Variants in SH3RF3 observed in about 807,000 individuals in gnomAD.
SH3RF3 encodes the protein SH3 domain containing ring finger 3.
Under a neutral mutation model 66.3 loss-of-function variants are expected in SH3RF3, and 29 were observed. That is an observed-to-expected ratio of 0.44 (90% CI 0.33 to 0.60). The LOEUF is 0.60. Ranked by LOEUF, SH3RF3 falls within the 20% of genes least tolerant of loss-of-function variation. The pLI is 0.04. For synonymous variants in SH3RF3, 583 were observed against 532.0 expected, an observed-to-expected ratio of 1.10 and a Z score of -1.32; for missense variants, 1,194 against 1,190.9, an observed-to-expected ratio of 1.00 and a Z score of -0.04.
chr2:109,249,532 T>TCTTTCTTTCTTTCCTTCCTTCC (rs1680019241), intron 1 of SH3RF3, among the ~76,000 whole-genome samples: 4 of 96,448 alleles, frequency 4.1e-5, no homozygotes, highest in Non-Finnish European at 8.1e-5. Flanking sequence ...TCTTTCTTTC[T>TCTTTCTTTCTTTCCTTCCTTCC]TTCCTTCCTT....
intron 8 of SH3RF3, among the ~76,000 whole-genome samples, chr2:109,455,473 G>A (rs1678025638): frequency 6.6e-6 from 1 of 152,194 alleles, no homozygotes; most frequent in East Asian, 1.9e-4. Flanking sequence ...GAGTCTGTGG[G>A]ACACATGTGT....
intron 2 of SH3RF3, among the ~76,000 whole-genome samples, chr2:109,359,527 T>G (rs1683013152): frequency 6.6e-6 from 1 of 152,232 alleles, no homozygotes; most frequent in Non-Finnish European, 1.5e-5. Context: ...TGTACCTAAG[T>G]ATTTCATGAT....
chr2:109,268,642 A>C (rs1680556231), intron 1 of SH3RF3, among the ~76,000 whole-genome samples: 1 of 152,194 alleles, frequency 6.6e-6, no homozygotes, highest in Admixed American at 6.5e-5. Flanking sequence ...AGCGATACAC[A>C]TTCAGTAGAA....
chr2:109,315,342 G>A (rs1245526649), intron 1 of SH3RF3, among the ~76,000 whole-genome samples: 1 of 152,160 alleles, frequency 6.6e-6, no homozygotes, highest in East Asian at 1.9e-4. Flanking sequence ...TGCCAAGCCA[G>A]GTAAAGTGCT....
At chr2:109,230,162 C>T (rs76872190) in intron 1 of SH3RF3, among the ~76,000 whole-genome samples, 22,120 of 151,840 alleles carry the variant, frequency 0.15, 3,045 homozygotes, top group African/African-American at 0.35. Flanking sequence ...AATATTCCGT[C>T]GTATGGATAT....
intron 1 of SH3RF3, among the ~76,000 whole-genome samples, chr2:109,324,687 A>G (rs1682106961): frequency 6.6e-6 from 1 of 151,998 alleles, no homozygotes; most frequent in Non-Finnish European, 1.5e-5. Context: ...TGGATCCCAA[A>G]GCTGTGGATC....
chr2:109,433,273 G>C (rs1677298534), intron 6 of SH3RF3, among the ~76,000 whole-genome samples: 1 of 152,262 alleles, frequency 6.6e-6, no homozygotes, highest in East Asian at 1.9e-4. Context: ...AAGGAAAAAT[G>C]ATATCTTCCC....
intron 3 of SH3RF3, among the ~76,000 whole-genome samples, chr2:109,378,362 A>T (rs1683438241): frequency 6.6e-6 from 1 of 152,174 alleles, no homozygotes; most frequent in Non-Finnish European, 1.5e-5. Context: ...GGATGGAAGG[A>T]TGGGGGCTCT....
At chr2:109,195,420 G>C (rs1034992980) in intron 1 of SH3RF3, among the ~76,000 whole-genome samples, 1 of 152,238 alleles carries the variant, frequency 6.6e-6, no homozygotes, top group Admixed American at 6.5e-5. Flanking sequence ...GGACACCAGC[G>C]TCTGCCACTC....
intron 5 of SH3RF3, among the ~76,000 whole-genome samples, chr2:109,425,905 T>G (rs1273173239): frequency 6.6e-6 from 1 of 152,014 alleles, no homozygotes; most frequent in Non-Finnish European, 1.5e-5. Flanking sequence ...TCTTTCTTTC[T>G]TTTTTTTCTT....
intron 7 of SH3RF3, among the ~76,000 whole-genome samples, chr2:109,447,147 TAAAAA>T (rs61240132): frequency 1.7e-4 from 14 of 82,718 alleles, no homozygotes; most frequent in African/African-American, 5.0e-4. Flanking sequence ...CCTGAATATT[TAAAAA>T]AAAAAAAAAA....
chr2:109,350,184 G>A (rs980302458), intron 2 of SH3RF3, among the ~76,000 whole-genome samples: 2 of 152,208 alleles, frequency 1.3e-5, no homozygotes, highest in African/African-American at 4.8e-5. Flanking sequence ...TGGCATGTGG[G>A]GTGGGGGTAG....
intron 8 of SH3RF3, among the ~76,000 whole-genome samples, chr2:109,454,506 C>T (rs965789825): frequency 1.3e-5 from 2 of 152,196 alleles, no homozygotes; most frequent in African/African-American, 4.8e-5. Context: ...TTGACCAAGT[C>T]CACACGGTGA....
chr2:109,135,090 G>A (rs1322342289), intron 1 of SH3RF3, among the ~76,000 whole-genome samples: 1 of 152,198 alleles, frequency 6.6e-6, no homozygotes, highest in Non-Finnish European at 1.5e-5. Flanking sequence ...TAGAGGCCGT[G>A]GCTTCAGGTG....
At chr2:109,474,612 G>A (rs114046621) in intron 8 of SH3RF3, among the ~76,000 whole-genome samples, 1,612 of 152,322 alleles carry the variant, frequency 0.011, 34 homozygotes, top group African/African-American at 0.037. Context: ...GTTTGGGCAG[G>A]GGGGGAGAAC....
chr2:109,182,538 G>A (rs1037264309), intron 1 of SH3RF3, among the ~76,000 whole-genome samples: 2 of 152,162 alleles, frequency 1.3e-5, no homozygotes, highest in Admixed American at 1.3e-4. Flanking sequence ...TCCTGGATGT[G>A]CTTGGGACAT....
intron 1 of SH3RF3, among the ~76,000 whole-genome samples, chr2:109,134,028 T>C (rs779795506): frequency 1.3e-5 from 2 of 152,216 alleles, no homozygotes; most frequent in African/African-American, 2.4e-5. Flanking sequence ...CTAGTTACCA[T>C]GTTCTTTGGG....
intron 1 of SH3RF3, among the ~76,000 whole-genome samples, chr2:109,334,522 G>A (rs1005895290): frequency 2.0e-5 from 3 of 152,108 alleles, no homozygotes; most frequent in African/African-American, 7.2e-5. Flanking sequence ...CTAAAGGAAG[G>A]GTGCTAGTGG....
chr2:109,474,847 A>G (rs1057161806), intron 8 of SH3RF3, among the ~76,000 whole-genome samples: 1 of 152,234 alleles, frequency 6.6e-6, no homozygotes, highest in Non-Finnish European at 1.5e-5. Flanking sequence ...GCCAAAGTCT[A>G]CACTCACTCA....
Sources: allele counts gnomAD v4.1 joint callset (sites outside exome capture counted in the v4.1 genomes callset), GRCh38; gene constraint gnomAD v4.1.1; transcripts MANE v1.5; gene names NCBI Gene and HGNC (gene_info 2026-07-23, HGNC 2026-07-21).